Variants in ANKRD6 observed in about 807,000 individuals in gnomAD.
ANKRD6 encodes ankyrin repeat domain-containing protein 6.
Under a neutral mutation model 82.3 loss-of-function variants are expected in ANKRD6, and 56 were observed. That is an observed-to-expected ratio of 0.68 (90% CI 0.55 to 0.85). The LOEUF (loss-of-function observed/expected upper bound fraction) is 0.85, where lower values mean the gene tolerates loss of function less well. ANKRD6 is among the 40% of genes least tolerant of loss of function. ANKRD6 has a pLI of 0.00. For missense variants in ANKRD6, 852 were observed against 907.6 expected, an observed-to-expected ratio of 0.94 and a Z score of 0.79; for synonymous variants, 347 against 352.1, an observed-to-expected ratio of 0.99 and a Z score of 0.16.
At chr6:89,455,537 G>A (rs899603756) in intron 1 of ANKRD6, among the ~76,000 whole-genome samples, 5 of 152,182 alleles carry the variant, frequency 3.3e-5, no homozygotes, top group African/African-American at 1.2e-4. Context: ...AATCCCCAAT[G>A]TTGGAGGTGG....
At chr6:89,469,524 G>A (rs1437492907) in intron 1 of ANKRD6, among the ~76,000 whole-genome samples, 1 of 152,080 alleles carries the variant, frequency 6.6e-6, no homozygotes, top group East Asian at 1.9e-4. Flanking sequence ...TTCTAACCTT[G>A]TCAGTTGTCA....
Position 89,617,981 on chromosome 6 carries a change from C to T in ANKRD6, c.742C>T (p.Arg248Cys), listed in dbSNP as rs774591302. Residue 248 changes from arginine (R) to cysteine (C), a missense_variant, in exon 9 of 16, where the codon CGC becomes TGC. By Grantham distance (180) the Arg-to-Cys change is radical (BLOSUM62 -3). Coordinates refer to ENST00000339746, the MANE Select transcript of ANKRD6 (RefSeq NM_001242809.2). ...NAGQTPLETA[R>C]YHNNPEVALL... is the part of the protein sequence containing the mutation. The stretch of plus-strand genomic sequence containing the variant: ...AGGCCAGACTCCGCTGGAGACTGCC[C>T]GCTACCACAATAACCCGGAAGTTGC... 5.0e-6 allele frequency: 8 copies of T among 1,613,902 alleles called. No homozygotes were observed. The highest frequency in any genetic ancestry group is 4.0e-5 in the African/African-American group (3 of 74,932).
At chr6:89,592,821 G>A (rs1795163728) in intron 2 of ANKRD6, among the ~76,000 whole-genome samples, 2 of 152,164 alleles carry the variant, frequency 1.3e-5, no homozygotes, top group Admixed American at 6.5e-5. Flanking sequence ...CAGGCACATG[G>A]CTCACACCTG....
chr6:89,452,090 AG>A (rs1772904062), intron 1 of ANKRD6, among the ~76,000 whole-genome samples: 1 of 152,148 alleles, frequency 6.6e-6, no homozygotes. Flanking sequence ...CTGAGGCAGG[AG>A]GATTACCTGA....
intron 1 of ANKRD6, among the ~76,000 whole-genome samples, chr6:89,556,288 AG>A (rs1308888953): frequency 6.6e-6 from 1 of 152,274 alleles, no homozygotes; most frequent in East Asian, 1.9e-4. Context: ...TTGCCCTCTA[AG>A]ATCCAGACAG....
chr6:89,624,001 TTCAGGGCGTA>T lies in ANKRD6; in HGVS notation c.1167_1176del (p.Arg389SerfsTer13), dbSNP rs766068816. The stretch of plus-strand genomic sequence containing the variant: ...TTCATCCCCACCCCCACCCCATGAG[TTCAGGGCGTA>T]TCAGCTCTACACATTGTACCGGGGC... On this transcript the variant is annotated frameshift_variant, in exon 12 of 16. Transcript: ENST00000339746. LOFTEE classifies it high-confidence loss of function. 3 of 1,479,182 alleles carry T rather than the reference TTCAGGGCGTA, an allele frequency of 2.0e-6. No individual in the cohort carries two copies. In the East Asian group the frequency reaches 7.7e-5, roughly 38 times the overall value. 91.6% of individuals were successfully genotyped at this position (1,479,182 alleles called of 1,614,324 possible).
chr6:89,592,298 G>A (rs1795060050), intron 2 of ANKRD6, among the ~76,000 whole-genome samples: 1 of 152,184 alleles, frequency 6.6e-6, no homozygotes, highest in Admixed American at 6.5e-5. Flanking sequence ...CTGGGGTGGG[G>A]GCTAAGGACA....
At chr6:89,516,359 G>A (rs1230228386) in intron 1 of ANKRD6, among the ~76,000 whole-genome samples, 2 of 152,204 alleles carry the variant, frequency 1.3e-5, no homozygotes, top group Non-Finnish European at 2.9e-5. Context: ...ACAACCATCA[G>A]GGATCCTGGT....
At chr6:89,485,529 G>T (rs1582861367) in intron 1 of ANKRD6, among the ~76,000 whole-genome samples, 1 of 152,294 alleles carries the variant, frequency 6.6e-6, no homozygotes, top group Non-Finnish European at 1.5e-5. Flanking sequence ...CAAGGCCCTG[G>T]GCTTTTCTGC....
chr6:89,491,714 C>T (rs1413178462), intron 1 of ANKRD6, among the ~76,000 whole-genome samples: 1 of 152,002 alleles, frequency 6.6e-6, no homozygotes, highest in African/African-American at 2.4e-5. Flanking sequence ...GTGCAGCACA[C>T]CAACATGGCA....
chr6:89,513,691 C>T (rs1342001145), intron 1 of ANKRD6, among the ~76,000 whole-genome samples: 1 of 151,836 alleles, frequency 6.6e-6, no homozygotes, highest in African/African-American at 2.4e-5. Context: ...GTTAAATTAC[C>T]AAACAATAAA....
intron 5 of ANKRD6, among the ~76,000 whole-genome samples, chr6:89,608,690 A>C (rs1340447750): frequency 2.0e-5 from 3 of 152,104 alleles, no homozygotes; most frequent in African/African-American, 7.2e-5. Context: ...TAGTTAAGCA[A>C]GCCATGCCTT....
chr6:89,585,320 G>A (rs867403814), intron 2 of ANKRD6, among the ~76,000 whole-genome samples: 24 of 152,150 alleles, frequency 1.6e-4, no homozygotes, highest in African/African-American at 5.8e-4. Context: ...GTGTCTGCTC[G>A]TTCACTATAG....
chr6:89,569,970 T>C lies in ANKRD6; in HGVS notation c.120+2874T>C, dbSNP rs550621181. ...TCTCCATATTTCCAATGAATATGTA[T>C]GTTCTACCACCTGATTCAACAGTTT... On this transcript the variant is annotated intron_variant, in intron 2 of 15. Coordinates refer to ENST00000339746, the MANE Select transcript of ANKRD6 (RefSeq NM_001242809.2). 7.2e-5 allele frequency among the ~76,000 whole-genome samples: 11 copies of C among 152,334 alleles called. No homozygotes were observed. The East Asian group carries it at 2.1e-3, about 29-fold the overall frequency.
At chr6:89,569,070 T>A in intron 2 of ANKRD6, among the ~76,000 whole-genome samples, 1 of 151,850 alleles carries the variant, frequency 6.6e-6, no homozygotes, top group Non-Finnish European at 1.5e-5. Context: ...CATACCAACA[T>A]GCCTGCCTAA....
chr6:89,504,439 G>A (rs1195707212), intron 1 of ANKRD6, among the ~76,000 whole-genome samples: 4 of 151,948 alleles, frequency 2.6e-5, no homozygotes, highest in Admixed American at 2.6e-4. Context: ...GGTCTCGCTC[G>A]GTTGCCCAGG....
intron 1 of ANKRD6, among the ~76,000 whole-genome samples, chr6:89,507,883 T>C (rs925495046): frequency 4.6e-5 from 7 of 152,262 alleles, no homozygotes; most frequent in African/African-American, 1.4e-4. Flanking sequence ...TTTATTTTAT[T>C]GTTCAGGAAA....
At chr6:89,454,662 T>C (rs543628414) in intron 1 of ANKRD6, among the ~76,000 whole-genome samples, 8 of 152,376 alleles carry the variant, frequency 5.3e-5, no homozygotes, top group Middle Eastern at 3.4e-3. Flanking sequence ...GGGGCACTGC[T>C]GTAGTTTAAC....
chr6:89,445,515 C>T (rs1378757123), intron 1 of ANKRD6, among the ~76,000 whole-genome samples: 2 of 152,034 alleles, frequency 1.3e-5, no homozygotes, highest in Non-Finnish European at 2.9e-5. Flanking sequence ...CAAGCAATCT[C>T]TGCTCACCGC....
Sources: allele counts gnomAD v4.1 joint callset (sites outside exome capture counted in the v4.1 genomes callset), GRCh38; gene constraint gnomAD v4.1.1; transcripts MANE v1.5; gene names NCBI Gene and HGNC (gene_info 2026-07-23, HGNC 2026-07-21).